Variants in ST6GALNAC3 observed in about 807,000 individuals in gnomAD.
The protein encoded by ST6GALNAC3 is ST6 N-acetylgalactosaminide alpha-2,6-sialyltransferase 3, also known as alpha-N-acetylgalactosaminide alpha-2,6-sialyltransferase 3.
Under a neutral mutation model 32.7 loss-of-function variants are expected in ST6GALNAC3, and 25 were observed. That is an observed-to-expected ratio of 0.76 (90% CI 0.56 to 1.07). ST6GALNAC3 has a LOEUF of 1.07. Among genes scored for constraint, ST6GALNAC3 ranks in the 50% least tolerant of loss-of-function variants. The pLI is 0.00. For synonymous variants in ST6GALNAC3, 129 were observed against 133.1 expected (o/e 0.97, Z 0.21); for missense variants, 355 against 382.4 (o/e 0.93, Z 0.60).
chr1:76,163,211 A>G (rs1443088777), intron 1 of ST6GALNAC3, among the ~76,000 whole-genome samples: 1 of 152,170 alleles, frequency 6.6e-6, no homozygotes, highest in African/African-American at 2.4e-5. Context: ...ACTTAGTTAT[A>G]TGATTTTAAA....
intron 1 of ST6GALNAC3, among the ~76,000 whole-genome samples, chr1:76,207,237 A>C (rs573390041): frequency 6.6e-6 from 1 of 152,296 alleles, no homozygotes; most frequent in Non-Finnish European, 1.5e-5. Context: ...ATTAAGTGGG[A>C]TTTGAGCTCT....
chr1:76,606,450 C>A (rs1174797185), intron 3 of ST6GALNAC3, among the ~76,000 whole-genome samples: 1 of 152,074 alleles, frequency 6.6e-6, no homozygotes, highest in Admixed American at 6.5e-5. Context: ...TTATCCTCAG[C>A]AAACTAATGC....
At chr1:76,276,143 C>T (rs1659121340) in intron 1 of ST6GALNAC3, among the ~76,000 whole-genome samples, 1 of 151,888 alleles carries the variant, frequency 6.6e-6, no homozygotes, top group Non-Finnish European at 1.5e-5. Flanking sequence ...TATTGACCTT[C>T]ATTGCATCAC....
At chr1:76,318,329 TC>T (rs1164079849) in intron 2 of ST6GALNAC3, among the ~76,000 whole-genome samples, 1 of 152,148 alleles carries the variant, frequency 6.6e-6, no homozygotes. Context: ...TTACCCAGTC[TC>T]CCCTTCACTT....
At chr1:76,190,871 G>A (rs1171453894) in intron 1 of ST6GALNAC3, among the ~76,000 whole-genome samples, 14 of 152,128 alleles carry the variant, frequency 9.2e-5, no homozygotes, top group African/African-American at 2.4e-5. Context: ...ATTGGTATTG[G>A]TTCTGGTAGC....
At chr1:76,431,314 C>T (rs1159509142) in intron 3 of ST6GALNAC3, among the ~76,000 whole-genome samples, 1 of 152,138 alleles carries the variant, frequency 6.6e-6, no homozygotes, top group Non-Finnish European at 1.5e-5. Flanking sequence ...AATGCTTTAT[C>T]TCCTCTGCCC....
chr1:76,139,109 G>A (rs1392792878), intron 1 of ST6GALNAC3, among the ~76,000 whole-genome samples: 1 of 151,994 alleles, frequency 6.6e-6, no homozygotes, highest in Non-Finnish European at 1.5e-5. Context: ...CAGGAGAATG[G>A]CGTGAACCCG....
At chr1:76,365,921 C>T (rs1440990057) in intron 2 of ST6GALNAC3, among the ~76,000 whole-genome samples, 3 of 152,182 alleles carry the variant, frequency 2.0e-5, no homozygotes, top group Non-Finnish European at 2.9e-5. Flanking sequence ...CCTCCATCTC[C>T]TTCCAGTTCC....
intron 3 of ST6GALNAC3, among the ~76,000 whole-genome samples, chr1:76,491,000 G>A (rs111924603): frequency 6.6e-5 from 10 of 151,536 alleles, no homozygotes; most frequent in African/African-American, 2.4e-4. Flanking sequence ...CTGGGATTAC[G>A]GACATGCGCC....
At chr1:76,316,116 A>G (rs1184126744) in intron 2 of ST6GALNAC3, among the ~76,000 whole-genome samples, 2 of 152,146 alleles carry the variant, frequency 1.3e-5, no homozygotes, top group Non-Finnish European at 2.9e-5. Context: ...AAAATTAAGA[A>G]GTCTGACAAT....
intron 1 of ST6GALNAC3, among the ~76,000 whole-genome samples, chr1:76,119,236 A>G (rs941413394): frequency 2.0e-5 from 3 of 152,256 alleles, no homozygotes; most frequent in African/African-American, 4.8e-5. Flanking sequence ...TGGGACCTAC[A>G]TAGCTATTCT....
chr1:76,298,908 T>C (rs1325157973), intron 1 of ST6GALNAC3, among the ~76,000 whole-genome samples: 1 of 151,990 alleles, frequency 6.6e-6, no homozygotes, highest in African/African-American at 2.4e-5. Context: ...TTTGCTTGTA[T>C]TGTCTGCTCT....
intron 1 of ST6GALNAC3, among the ~76,000 whole-genome samples, chr1:76,227,848 G>C (rs923330382): frequency 6.6e-6 from 1 of 152,146 alleles, no homozygotes; most frequent in Non-Finnish European, 1.5e-5. Context: ...TATCTCAAGT[G>C]CTGCACAAGA....
intron 1 of ST6GALNAC3, among the ~76,000 whole-genome samples, chr1:76,250,692 G>C (rs964551377): frequency 6.6e-6 from 1 of 152,040 alleles, no homozygotes; most frequent in Non-Finnish European, 1.5e-5. Flanking sequence ...TTTCAATTCA[G>C]CACATATTTA....
At position 76,234,271 on chromosome 1, in the gene ST6GALNAC3, C is replaced by T. The variant is rs1009287596; in HGVS notation, c.19-79534C>T. ...CGGTAGTGGCCTAGATTCTCCTAAACTGCTCTGTCCCCCTTCTAGGATCTG... is the reference window on the plus strand; with the variant it reads ...CGGTAGTGGCCTAGATTCTCCTAAATTGCTCTGTCCCCCTTCTAGGATCTG... On this transcript the variant is annotated intron_variant, in intron 1 of 4. Coordinates refer to ENST00000328299, the MANE Select transcript of ST6GALNAC3 (RefSeq NM_152996.4). 3.3e-4 allele frequency among the ~76,000 whole-genome samples: 51 copies of T among 152,312 alleles called. 1 individual carries two copies. The highest frequency in any genetic ancestry group is 1.2e-3 in the African/African-American group (51 of 41,574).
At chr1:76,505,172 G>A (rs1661401779) in intron 3 of ST6GALNAC3, among the ~76,000 whole-genome samples, 1 of 151,270 alleles carries the variant, frequency 6.6e-6, no homozygotes, top group Non-Finnish European at 1.5e-5. Flanking sequence ...CACCCAGGCT[G>A]GAGTGCAGAG....
chr1:76,347,510 A>G (rs527946949), intron 2 of ST6GALNAC3, among the ~76,000 whole-genome samples: 1 of 152,066 alleles, frequency 6.6e-6, no homozygotes, highest in South Asian at 2.1e-4. Flanking sequence ...ATATATATAT[A>G]TACCAAAATA....
intron 3 of ST6GALNAC3, among the ~76,000 whole-genome samples, chr1:76,425,956 T>C (rs956626655): frequency 3.3e-5 from 5 of 151,876 alleles, no homozygotes; most frequent in African/African-American, 1.2e-4. Context: ...CATAAATATG[T>C]TAGCTTAAGT....
At chr1:76,576,792 G>T in intron 3 of ST6GALNAC3, 2 of 1,255,418 alleles carry the variant, frequency 1.6e-6, no homozygotes, top group Non-Finnish European at 2.1e-6. Flanking sequence ...GTAGTGATTT[G>T]CATGTCTAAC....
Sources: allele counts gnomAD v4.1 joint callset (sites outside exome capture counted in the v4.1 genomes callset), GRCh38; gene constraint gnomAD v4.1.1; transcripts MANE v1.5; gene names NCBI Gene and HGNC (gene_info 2026-07-23, HGNC 2026-07-21).